GPC5: variants seen among roughly 807,000 people sequenced by gnomAD.
GPC5 encodes glypican 5, also known as glypican-5.
In GPC5, 47 loss-of-function variants were observed where a neutral mutation model predicts 53.9. The ratio of observed to expected loss-of-function variants is 0.87; its 90% CI spans 0.69 to 1.11. GPC5 has a LOEUF of 1.11. GPC5 is among the 50% of genes most tolerant of loss of function. GPC5 has a pLI of 0.00. For missense variants in GPC5, 748 were observed against 713.1 expected, an observed-to-expected ratio of 1.05 and a Z score of -0.56; for synonymous variants, 286 against 263.3, an observed-to-expected ratio of 1.09 and a Z score of -0.84.
chr13:92,348,774 C>T (rs1447018782), intron 7 of GPC5, among the ~76,000 whole-genome samples: 1 of 152,010 alleles, frequency 6.6e-6, no homozygotes, highest in East Asian at 1.9e-4. Context: ...TGAGGAATTT[C>T]AAAAAACTCA....
intron 5 of GPC5, among the ~76,000 whole-genome samples, chr13:91,812,070 T>A (rs576977807): frequency 2.4e-4 from 37 of 152,234 alleles, no homozygotes; most frequent in African/African-American, 8.9e-4. Context: ...CTAGACTGAC[T>A]GTGAATAAAG....
intron 7 of GPC5, among the ~76,000 whole-genome samples, chr13:92,196,487 G>A (rs1019649193): frequency 2.0e-5 from 3 of 152,030 alleles, no homozygotes; most frequent in African/African-American, 7.2e-5. Context: ...TATTTAATCA[G>A]CCCTAAAATA....
chr13:91,888,987 G>A (rs138461017), intron 5 of GPC5, among the ~76,000 whole-genome samples: 3,552 of 152,252 alleles, frequency 0.023, 52 homozygotes, highest in Middle Eastern at 0.041. Flanking sequence ...GACCTGGGCC[G>A]CTGGAGTTAT....
At chr13:91,524,211 C>T (rs1885978080) in intron 2 of GPC5, among the ~76,000 whole-genome samples, 1 of 152,022 alleles carries the variant, frequency 6.6e-6, no homozygotes, top group African/African-American at 2.4e-5. Flanking sequence ...TCTTATACTG[C>T]ATTAGTTGTA....
At chr13:92,811,293 T>G (rs974866604) in intron 7 of GPC5, among the ~76,000 whole-genome samples, 5 of 151,986 alleles carry the variant, frequency 3.3e-5, no homozygotes, top group Admixed American at 2.0e-4. Context: ...CTTGCACCAA[T>G]TTACATTCCC....
rs180949121 is a variant in GPC5 at position 91,857,476 on chromosome 13, A to T, written c.1281-50461A>T. The stretch of plus-strand genomic sequence containing the variant: ...GATAGCAAATATAATTTTAAAAGAA[A>T]TATAATTTATTTTCACATATTGGTC... On this transcript the variant is annotated intron_variant, in intron 5 of 7. Coordinates refer to ENST00000377067, the MANE Select transcript of GPC5 (RefSeq NM_004466.6). Among the ~76,000 whole-genome samples, 612 of 151,514 alleles carry T rather than the reference A, an allele frequency of 4.0e-3. 8 individuals are homozygous for T. Among genetic ancestry groups the T allele is most frequent in the African/African-American group, 0.014 (584 of 41,514 alleles).
chr13:91,626,325 A>G lies in GPC5; in HGVS notation c.326-66862A>G, dbSNP rs115527450. ...CACTATTTATTGGTAGAAGCACAGAAAACCTGGCCTGGTCCTTGCTCAGGC... is the reference window on the plus strand; with the variant it reads ...CACTATTTATTGGTAGAAGCACAGAGAACCTGGCCTGGTCCTTGCTCAGGC... On this transcript the variant is annotated intron_variant, in intron 2 of 7. Transcript: ENST00000377067. Among the ~76,000 whole-genome samples the G allele has an allele frequency of 9.7e-3, 1,484 of 152,282 alleles. 28 individuals carry two copies. Among genetic ancestry groups the G allele is most frequent in the African/African-American group, 0.034 (1,420 of 41,560 alleles).
intron 7 of GPC5, among the ~76,000 whole-genome samples, chr13:92,765,103 T>G (rs1875343050): frequency 6.6e-6 from 1 of 152,174 alleles, no homozygotes; most frequent in Non-Finnish European, 1.5e-5. Flanking sequence ...TTTATGAGAA[T>G]GAGATACGAT....
intron 7 of GPC5, among the ~76,000 whole-genome samples, chr13:92,407,454 T>C (rs989258012): frequency 6.7e-6 from 1 of 150,336 alleles, no homozygotes; most frequent in Non-Finnish European, 1.5e-5. Context: ...TTCATTAAAT[T>C]AAAGAGACCA....
At chr13:92,724,420 A>G (rs1888582248) in intron 7 of GPC5, among the ~76,000 whole-genome samples, 3 of 151,668 alleles carry the variant, frequency 2.0e-5, no homozygotes, top group African/African-American at 7.2e-5. Context: ...TAATATTTTG[A>G]GAAACCTTCA....
chr13:92,704,992 A>G (rs1430966415), intron 7 of GPC5, among the ~76,000 whole-genome samples: 1 of 151,656 alleles, frequency 6.6e-6, no homozygotes, highest in East Asian at 1.9e-4. Flanking sequence ...AATGATCTCG[A>G]TGTGTAGGGT....
At position 91,774,962 on chromosome 13, in the gene GPC5, T is replaced by A. The variant is rs545722003; in HGVS notation, c.1280+18542T>A. Among the ~76,000 whole-genome samples, 4 of 152,254 alleles carry A rather than the reference T, an allele frequency of 2.6e-5. No individual in the cohort carries two copies. In the South Asian group the frequency reaches 8.3e-4, roughly 32 times the overall value. On this transcript the variant is annotated intron_variant, in intron 5 of 7. Coordinates refer to ENST00000377067, the MANE Select transcript of GPC5 (RefSeq NM_004466.6). ...ACTTCTAGGGAACCTAATTTAACAA[T>A]GTGATTTTCAGAGACTTGCAGGGTA...
At chr13:92,477,367 C>T (rs966088122) in intron 7 of GPC5, among the ~76,000 whole-genome samples, 24 of 152,068 alleles carry the variant, frequency 1.6e-4, no homozygotes, top group Non-Finnish European at 2.8e-4. Context: ...CTTTAGAGTC[C>T]TCAGCCCAGT....
chr13:91,439,450 A>G (rs891295095), intron 1 of GPC5, among the ~76,000 whole-genome samples: 1 of 152,248 alleles, frequency 6.6e-6, no homozygotes, highest in African/African-American at 2.4e-5. Context: ...TCAGTATTTG[A>G]TACCATAATT....
intron 1 of GPC5, among the ~76,000 whole-genome samples, chr13:91,411,295 T>C (rs1442073285): frequency 6.6e-6 from 1 of 152,256 alleles, no homozygotes; most frequent in Non-Finnish European, 1.5e-5. Flanking sequence ...TAGGAGTTAC[T>C]TCTCTACTTT....
Position 92,434,553 on chromosome 13 carries a change from T to C in GPC5, c.1561+289564T>C, listed in dbSNP as rs970722737. Among the ~76,000 whole-genome samples the C allele has an allele frequency of 3.9e-5, 6 of 152,340 alleles. No individual in the cohort carries two copies. The South Asian group carries it at 1.2e-3, about 32-fold the overall frequency. On this transcript the variant is annotated intron_variant, in intron 7 of 7. Coordinates refer to ENST00000377067, the MANE Select transcript of GPC5 (RefSeq NM_004466.6). ...AAGATGACCTTTTCTTTAATGATTC[T>C]ACAAGTTTATTACATCTCGTGATAT...
intron 6 of GPC5, among the ~76,000 whole-genome samples, chr13:92,139,195 CA>C (rs2041809303): frequency 6.6e-6 from 1 of 152,098 alleles, no homozygotes; most frequent in Non-Finnish European, 1.5e-5. Flanking sequence ...AATAATTAAG[CA>C]AGACCACAAA....
chr13:91,892,172 T>C (rs977484532), intron 5 of GPC5, among the ~76,000 whole-genome samples: 1 of 151,994 alleles, frequency 6.6e-6, no homozygotes, highest in African/African-American at 2.4e-5. Flanking sequence ...TACATTCTTA[T>C]TAATTTATAT....
intron 6 of GPC5, among the ~76,000 whole-genome samples, chr13:92,126,471 A>T (rs2041698141): frequency 6.6e-6 from 1 of 152,184 alleles, no homozygotes; most frequent in Non-Finnish European, 1.5e-5. Flanking sequence ...TTAAGTAATA[A>T]GTAATGTGGG....
Sources: allele counts gnomAD v4.1 joint callset (sites outside exome capture counted in the v4.1 genomes callset), GRCh38; gene constraint gnomAD v4.1.1; transcripts MANE v1.5; gene names NCBI Gene and HGNC (gene_info 2026-07-23, HGNC 2026-07-21).